The following PTPRN2 variants were observed in gnomAD, a reference collection of about 807,000 sequenced individuals.
The protein encoded by PTPRN2 is receptor-type tyrosine-protein phosphatase N2.
In PTPRN2, 74 loss-of-function variants were observed where a neutral mutation model predicts 118.8. The ratio of observed to expected loss-of-function variants is 0.62; its 90% CI spans 0.52 to 0.76. PTPRN2 has a LOEUF of 0.76. PTPRN2 is among the 30% of genes least tolerant of loss of function. The pLI, the probability that PTPRN2 is intolerant of heterozygous loss-of-function variation, is 0.00. For synonymous variants in PTPRN2, 641 were observed against 608.0 expected (o/e 1.05, Z -0.80); for missense variants, 1,481 against 1,394.4 (o/e 1.06, Z -0.99).
At chr7:157,639,269 C>G (rs765261636) in intron 14 of PTPRN2, among the ~76,000 whole-genome samples, 1 of 152,164 alleles carries the variant, frequency 6.6e-6, no homozygotes, top group Non-Finnish European at 1.5e-5. Context: ...CTCCTGACCT[C>G]AAGTGATCTG....
intron 3 of PTPRN2, among the ~76,000 whole-genome samples, chr7:158,257,606 G>A (rs1364504330): frequency 6.6e-6 from 1 of 152,216 alleles, no homozygotes; most frequent in East Asian, 1.9e-4. Context: ...GCGTGCAGCA[G>A]CGAGAAATGT....
intron 6 of PTPRN2, among the ~76,000 whole-genome samples, chr7:158,146,878 A>G (rs1040192631): frequency 1.3e-5 from 2 of 152,128 alleles, no homozygotes; most frequent in African/African-American, 2.4e-5. Context: ...AACAGTTTAC[A>G]GGGAAAATAC....
At chr7:158,232,833 A>T (rs983017744) in intron 3 of PTPRN2, among the ~76,000 whole-genome samples, 1 of 152,222 alleles carries the variant, frequency 6.6e-6, no homozygotes, top group African/African-American at 2.4e-5. Flanking sequence ...AAACTACATG[A>T]TCATTTCAAT....
chr7:158,058,941 C>T lies in PTPRN2; in HGVS notation c.1723+22357G>A, dbSNP rs372528666. Among the ~76,000 whole-genome samples, 26 of 105,470 alleles carry T rather than the reference C, an allele frequency of 2.5e-4. No individual in the cohort carries two copies. In the East Asian group the frequency reaches 8.3e-3, roughly 34 times the overall value. The allele number at this position is 105,470 out of a possible 152,430, so 69.2% of individuals were successfully genotyped here. On this transcript the variant is annotated intron_variant, in intron 11 of 22. Coordinates refer to ENST00000389418, the MANE Select transcript of PTPRN2 (RefSeq NM_002847.5). ...GTGAGACATCACTGCAGCCACACTC[C>T]ATCTGCACACGGTGACACATCACTG...
chr7:158,441,335 G>A lies in PTPRN2; in HGVS notation c.163+48400C>T, dbSNP rs1320469959. Among the ~76,000 whole-genome samples the A allele has an allele frequency of 3.5e-5, 5 of 144,378 alleles. 1 individual carries two copies. Among genetic ancestry groups the A allele is most frequent in the African/African-American group, 5.3e-5 (2 of 37,970 alleles). 94.7% of individuals were successfully genotyped at this position (144,378 alleles called of 152,430 possible). ...TGATGGCAATGAAGGTGATGGTGAT[G>A]GTGATCAGTGATGGTGGTGATGGTG... On this transcript the variant is annotated intron_variant, in intron 2 of 22. Transcript: ENST00000389418.
intron 6 of PTPRN2, among the ~76,000 whole-genome samples, chr7:158,153,441 A>G (rs1216931467): frequency 6.6e-6 from 1 of 152,186 alleles, no homozygotes; most frequent in East Asian, 1.9e-4. Flanking sequence ...ACACATGCCC[A>G]CTGGGGCTTT....
At chr7:158,175,309 G>C (rs1470819404) in intron 5 of PTPRN2, among the ~76,000 whole-genome samples, 5 of 152,224 alleles carry the variant, frequency 3.3e-5, no homozygotes, top group Non-Finnish European at 7.3e-5. Context: ...GGCACCGGAT[G>C]CGGCCAGGTT....
chr7:158,103,510 T>G (rs993178431), intron 10 of PTPRN2, among the ~76,000 whole-genome samples: 2 of 152,190 alleles, frequency 1.3e-5, no homozygotes, highest in African/African-American at 2.4e-5. Flanking sequence ...CAGGGCCCAC[T>G]CTCTGGGCCC....
At chr7:157,613,255 C>G (rs1225549743) in intron 15 of PTPRN2, among the ~76,000 whole-genome samples, 3 of 152,268 alleles carry the variant, frequency 2.0e-5, no homozygotes, top group Non-Finnish European at 4.4e-5. Context: ...CTAGGCGACT[C>G]CGCTTGTCCT....
chr7:157,921,508 T>C (rs529580269), intron 11 of PTPRN2, among the ~76,000 whole-genome samples: 17 of 152,350 alleles, frequency 1.1e-4, no homozygotes, highest in Admixed American at 3.9e-4. Context: ...ATTACCATTG[T>C]GGCAGTGTTG....
chr7:157,549,465 T>G (rs935655617), intron 21 of PTPRN2, among the ~76,000 whole-genome samples: 11 of 152,098 alleles, frequency 7.2e-5, no homozygotes, highest in Admixed American at 5.9e-4. Flanking sequence ...GACTCAACCT[T>G]AATATTGGCT....
intron 11 of PTPRN2, among the ~76,000 whole-genome samples, chr7:157,907,271 C>T (rs893572932): frequency 2.0e-5 from 3 of 152,228 alleles, no homozygotes; most frequent in Non-Finnish European, 4.4e-5. Context: ...ACCACGGGAA[C>T]ATTTACCCCT....
At chr7:158,455,830 C>T (rs75435480) in intron 2 of PTPRN2, among the ~76,000 whole-genome samples, 76 of 79,140 alleles carry the variant, frequency 9.6e-4, no homozygotes, top group Non-Finnish European at 9.8e-4. Flanking sequence ...CCATCGGCCA[C>T]GGCCACCCAT....
At chr7:158,151,179 C>T (rs13231941) in intron 6 of PTPRN2, among the ~76,000 whole-genome samples, 1,340 of 11,720 alleles carry the variant, frequency 0.11, 331 homozygotes, top group Middle Eastern at 0.5. Context: ...CGCCTTTCTG[C>T]TCCTGCCTCT....
chr7:157,872,301 G>T (rs745520871), intron 12 of PTPRN2, among the ~76,000 whole-genome samples: 1 of 60,992 alleles, frequency 1.6e-5, no homozygotes, highest in African/African-American at 8.4e-5. Context: ...CCCCACACAC[G>T]CATACCCAGT....
intron 13 of PTPRN2, among the ~76,000 whole-genome samples, chr7:157,662,837 TC>T (rs1338250240): frequency 6.6e-6 from 1 of 152,240 alleles, no homozygotes; most frequent in East Asian, 1.9e-4. Context: ...GTACCCGATG[TC>T]TACAAGCTTG....
At chr7:157,663,101 G>C (rs529022443) in intron 13 of PTPRN2, among the ~76,000 whole-genome samples, 2 of 151,852 alleles carry the variant, frequency 1.3e-5, no homozygotes, top group African/African-American at 2.4e-5. Flanking sequence ...GCTTGGCCGC[G>C]AAGCCACTTT....
intron 21 of PTPRN2, among the ~76,000 whole-genome samples, chr7:157,561,667 C>T (rs953156405): frequency 6.6e-6 from 1 of 152,226 alleles, no homozygotes; most frequent in Non-Finnish European, 1.5e-5. Flanking sequence ...CCCCTTGGGC[C>T]CCCTTCCATT....
chr7:158,373,606 T>C (rs1269934141), intron 2 of PTPRN2, among the ~76,000 whole-genome samples: 1 of 152,094 alleles, frequency 6.6e-6, no homozygotes, highest in Non-Finnish European at 1.5e-5. Flanking sequence ...GCACCCACAT[T>C]TGGTTGTTTT....
Sources: gnomAD v4.1 joint callset for allele counts (sites outside exome capture counted in the v4.1 genomes callset) on GRCh38, gnomAD v4.1.1 for gene constraint, MANE v1.5 for transcripts, NCBI Gene and HGNC (gene_info 2026-07-23, HGNC 2026-07-21) for gene names.